Variants in ITGA8 observed in about 807,000 individuals in gnomAD.
ITGA8 encodes the protein integrin subunit alpha 8, also known as integrin alpha-8.
In ITGA8, 91 loss-of-function variants were observed where a neutral mutation model predicts 142.3. That is an observed-to-expected ratio of 0.64 (90% CI 0.54 to 0.76). ITGA8 has a LOEUF of 0.76. Among genes scored for constraint, ITGA8 ranks in the 30% least tolerant of loss-of-function variants. The pLI, the probability that ITGA8 is intolerant of heterozygous loss-of-function variation, is 0.00. For synonymous variants in ITGA8, 505 were observed against 485.2 expected (o/e 1.04, Z -0.54); for missense variants, 1,406 against 1,327.7 (o/e 1.06, Z -0.92).
rs778691547 is a variant in ITGA8, at chr10:15,548,553, C to T, written c.2782G>A (p.Glu928Lys). ...ACTGCACAGGAGATTTGTAAACACT[C>T]GATATTTGTACAATTCTGCAAACAG... Reference protein sequence around the residue: ...PAKILNCTNIECLQISCAVGR... With the variant: ...PAKILNCTNIKCLQISCAVGR... Residue 928 changes from glutamate to lysine, a missense_variant, in exon 27 of 30, where the codon GAG becomes AAG. Glu to Lys is a moderately conservative substitution (Grantham distance 56, BLOSUM62 1). Transcript: ENST00000378076. 9.3e-6 allele frequency: 15 copies of T among 1,610,144 alleles called. No individual in the cohort carries two copies. Among genetic ancestry groups the T allele is most frequent in the Middle Eastern group, 1.7e-4 (1 of 6,052 alleles).
chr10:15,632,304 G>T (rs898103787), intron 13 of ITGA8, among the ~76,000 whole-genome samples: 2 of 152,104 alleles, frequency 1.3e-5, no homozygotes, highest in Admixed American at 6.5e-5. Flanking sequence ...GTACTCAGAG[G>T]TTTTCACAAC....
intron 11 of ITGA8, among the ~76,000 whole-genome samples, chr10:15,647,306 T>G (rs888915578): frequency 6.6e-6 from 1 of 152,186 alleles, no homozygotes; most frequent in Non-Finnish European, 1.5e-5. Context: ...ACCACAGATA[T>G]TTTACCATTT....
chr10:15,552,056 G>A (rs373627741), intron 26 of ITGA8, among the ~76,000 whole-genome samples: 1 of 152,154 alleles, frequency 6.6e-6, no homozygotes, highest in East Asian at 1.9e-4. Context: ...AAAAAATTTC[G>A]TTATTGATCT....
intron 23 of ITGA8, among the ~76,000 whole-genome samples, chr10:15,584,046 C>A (rs1285859176): frequency 6.6e-6 from 1 of 152,150 alleles, no homozygotes; most frequent in Non-Finnish European, 1.5e-5. Flanking sequence ...CCTGTAATCC[C>A]AGCACTTTGG....
At chr10:15,712,272 C>T (rs545647052) in intron 2 of ITGA8, among the ~76,000 whole-genome samples, 5 of 152,282 alleles carry the variant, frequency 3.3e-5, no homozygotes, top group South Asian at 2.1e-4. Flanking sequence ...AGTCTTTCAG[C>T]TATCTTGCTC....
intron 6 of ITGA8, among the ~76,000 whole-genome samples, chr10:15,674,152 CTA>C: frequency 6.6e-6 from 1 of 152,234 alleles, no homozygotes; most frequent in Non-Finnish European, 1.5e-5. Flanking sequence ...CTTGAAATGA[CTA>C]TTCTGATATT....
At chr10:15,615,703 G>A (rs951885080) in intron 14 of ITGA8, among the ~76,000 whole-genome samples, 1 of 152,216 alleles carries the variant, frequency 6.6e-6, no homozygotes, top group East Asian at 1.9e-4. Flanking sequence ...AAGTAGAGAT[G>A]GGGTTTTGCT....
intron 11 of ITGA8, among the ~76,000 whole-genome samples, chr10:15,651,639 C>T (rs1834087308): frequency 6.6e-6 from 1 of 151,934 alleles, no homozygotes; most frequent in Non-Finnish European, 1.5e-5. Flanking sequence ...ACTAGATAGC[C>T]TTGTGTACAA....
chr10:15,606,246 T>A, intron 18 of ITGA8, 39 bp downstream of exon 18: 1 of 1,564,232 alleles, frequency 6.4e-7, no homozygotes. Flanking sequence ...CCAGAGAGCT[T>A]GCTTGAGAAA....
At chr10:15,650,538 G>T (rs1834066206) in intron 11 of ITGA8, among the ~76,000 whole-genome samples, 2 of 152,154 alleles carry the variant, frequency 1.3e-5, no homozygotes, top group East Asian at 3.9e-4. Flanking sequence ...GGACTTTGCA[G>T]AGGGTCCCCA....
Position 15,641,684 on chromosome 10 carries a change from G to A in ITGA8, c.1399+2346C>T, listed in dbSNP as rs569538942. ...ATAAATTCAACCAAGCAGCATTGAC[G>A]GGCCTGCCTTAGTAAAGAACATTTA... On this transcript the variant is annotated intron_variant, in intron 13 of 29. Transcript: ENST00000378076. Among the ~76,000 whole-genome samples, 26 of 152,206 alleles carry A rather than the reference G, an allele frequency of 1.7e-4. No individual in the cohort carries two copies. In the South Asian group the frequency reaches 4.6e-3, roughly 27 times the overall value.
chr10:15,592,583 T>G (rs368633607), intron 21 of ITGA8, among the ~76,000 whole-genome samples: 2 of 152,194 alleles, frequency 1.3e-5, no homozygotes, highest in East Asian at 1.9e-4. Flanking sequence ...TCCAAATATA[T>G]GAGAAGACAC....
chr10:15,645,907 C>T (rs949337333), intron 12 of ITGA8, among the ~76,000 whole-genome samples: 1 of 152,130 alleles, frequency 6.6e-6, no homozygotes, highest in Non-Finnish European at 1.5e-5. Context: ...GCCTAACCTA[C>T]GAGTTTAACA....
intron 15 of ITGA8, among the ~76,000 whole-genome samples, chr10:15,611,338 C>T (rs1380345601): frequency 2.0e-5 from 3 of 151,952 alleles, no homozygotes; most frequent in African/African-American, 7.3e-5. Flanking sequence ...GCAATAGAAA[C>T]AAATATAATT....
chr10:15,572,178 T>C, intron 25 of ITGA8, 33 bp downstream of exon 25: 1 of 1,507,706 alleles, frequency 6.6e-7, no homozygotes, highest in Non-Finnish European at 8.9e-7. Flanking sequence ...AAAAATAAAA[T>C]CAACAAAGCC....
At chr10:15,611,566 A>T (rs1326161191) in intron 15 of ITGA8, 1 of 146,206 alleles carries the variant, frequency 6.8e-6, no homozygotes, top group Non-Finnish European at 1.5e-5. Flanking sequence ...ATCTCAGCTC[A>T]CTGCAAGCTC....
In ITGA8 at chr10:15,597,200, C is replaced by T. The variant is rs1184981560; in HGVS notation, c.2211+7G>A. 2.5e-6 allele frequency: 4 copies of T among 1,605,262 alleles called. No homozygotes were observed. The East Asian group carries it at 8.9e-5, about 36-fold the overall frequency. On this transcript the variant is annotated splice_region_variant and intron_variant, in intron 21 of 29. Transcript: ENST00000378076. Reference sequence around the variant, plus strand: ...GAAATCAGTCAGTATTTCTGGTTCTCTCTTACATTTGTTCCAGACACCATA... The same window carrying T: ...GAAATCAGTCAGTATTTCTGGTTCTTTCTTACATTTGTTCCAGACACCATA...
chr10:15,533,454 T>C (rs57286489), intron 27 of ITGA8, among the ~76,000 whole-genome samples: 30,103 of 152,102 alleles, frequency 0.2, 4,019 homozygotes, highest in African/African-American at 0.38. Context: ...TAAAATCATG[T>C]GTGTACCTGG....
intron 13 of ITGA8, among the ~76,000 whole-genome samples, chr10:15,628,944 G>C (rs887101295): frequency 6.6e-6 from 1 of 151,904 alleles, no homozygotes; most frequent in African/African-American, 2.4e-5. Context: ...CTGAGTGGTG[G>C]GCATTGGTCT....
Sources: gnomAD v4.1 joint callset for allele counts (sites outside exome capture counted in the v4.1 genomes callset) on GRCh38, gnomAD v4.1.1 for gene constraint, MANE v1.5 for transcripts, NCBI Gene and HGNC (gene_info 2026-07-23, HGNC 2026-07-21) for gene names.